Variants in STK39 observed in about 807,000 individuals in gnomAD.
STK39 encodes the protein STE20/SPS1-related proline-alanine-rich protein kinase.
A neutral mutation model predicts 77.8 loss-of-function variants in STK39; 20 were observed. The ratio of observed to expected loss-of-function variants is 0.26; its 90% confidence interval spans 0.18 to 0.37. The LOEUF is 0.37. STK39 is among the 10% of genes least tolerant of loss of function. The probability of loss-of-function intolerance (pLI) is 1.00; values close to 1 mark genes in which losing one functional copy is unlikely to be tolerated. For synonymous variants in STK39, 246 were observed against 234.1 expected (o/e 1.05, Z -0.47); for missense variants, 479 against 656.5 (o/e 0.73, Z 2.95).
At chr2:167,976,434 C>T (rs1266723553) in intron 16 of STK39, among the ~76,000 whole-genome samples, 1 of 152,168 alleles carries the variant, frequency 6.6e-6, no homozygotes. Context: ...TAAATGATAA[C>T]AGGCCTTCTC....
chr2:168,128,579 C>A (rs1687604010), intron 10 of STK39, among the ~76,000 whole-genome samples: 1 of 152,204 alleles, frequency 6.6e-6, no homozygotes, highest in Non-Finnish European at 1.5e-5. Flanking sequence ...CAGATACCTT[C>A]ACAGAATGGG....
chr2:167,995,711 A>G (rs565360199), intron 16 of STK39, among the ~76,000 whole-genome samples: 19 of 152,230 alleles, frequency 1.2e-4, no homozygotes, highest in Admixed American at 4.6e-4. Context: ...TATGTTCTAC[A>G]TCAGAGAGCA....
At chr2:168,038,859 C>T (rs1230885390) in intron 14 of STK39, among the ~76,000 whole-genome samples, 1 of 152,098 alleles carries the variant, frequency 6.6e-6, no homozygotes, top group African/African-American at 2.4e-5. Context: ...CACTACACAC[C>T]TATTTAAATG....
At chr2:168,102,756 C>T (rs1461138283) in intron 10 of STK39, among the ~76,000 whole-genome samples, 10 of 151,696 alleles carry the variant, frequency 6.6e-5, no homozygotes, top group African/African-American at 1.9e-4. Context: ...GGTGAAACCC[C>T]GTCTCTACTA....
intron 10 of STK39, among the ~76,000 whole-genome samples, chr2:168,113,575 C>T (rs1217227004): frequency 6.6e-6 from 1 of 152,140 alleles, no homozygotes; most frequent in Non-Finnish European, 1.5e-5. Context: ...TTTGTTAAAG[C>T]TATATAATCA....
At position 168,247,292 on chromosome 2, in the gene STK39, G is replaced by C. The variant is rs1690948453; in HGVS notation, c.144C>G (p.Ala48=). Residue 48 remains alanine (A), a synonymous_variant, in exon 1 of 18, where the codon GCC becomes GCG. Coordinates refer to ENST00000355999, the MANE Select transcript of STK39 (RefSeq NM_013233.3). ...GCCAGCCGACAGCCTGTGCCGCCGG[G>C]GCCGGGGCCGGGGCCGGGGCCGCGG... ...AAPAAPAPAP[A]PAAQAVGWPI... The C allele has an allele frequency of 3.9e-6, 4 of 1,020,032 alleles. No homozygotes were observed. The African/African-American group carries it at 6.9e-5, about 18-fold the overall frequency. The allele number at this position is 1,020,032 out of a possible 1,614,324, so 63.2% of individuals were successfully genotyped here. A position where few individuals can be genotyped will look rare whatever the true frequency, so the allele number is the denominator to read the frequency against.
At chr2:168,129,006 C>T (rs1687613605) in intron 10 of STK39, among the ~76,000 whole-genome samples, 1 of 152,100 alleles carries the variant, frequency 6.6e-6, no homozygotes, top group Non-Finnish European at 1.5e-5. Flanking sequence ...TACATACATA[C>T]ATGCCATTTT....
intron 16 of STK39, among the ~76,000 whole-genome samples, chr2:167,992,347 A>C (rs540360803): frequency 6.6e-6 from 1 of 152,198 alleles, no homozygotes; most frequent in Non-Finnish European, 1.5e-5. Context: ...CAACAAAAAA[A>C]CCATTTGCAG....
chr2:167,983,158 T>C (rs141439093), intron 16 of STK39, among the ~76,000 whole-genome samples: 90 of 152,252 alleles, frequency 5.9e-4, no homozygotes, highest in African/African-American at 2.1e-3. Context: ...TCATTATGGT[T>C]AGAAGAATGT....
rs544800932 is a variant in STK39 at position 168,073,320 on chromosome 2, C to T, written c.1242+1662G>A. ...TAGCAAGGCAGGATCCAATGGATAT[C>T]GTCCAATGAAGATTTCTTGTGGTGA... On this transcript the variant is annotated intron_variant, in intron 12 of 17. Transcript: ENST00000355999. Among the ~76,000 whole-genome samples, 7 of 152,286 alleles carry T rather than the reference C, an allele frequency of 4.6e-5. No homozygotes were observed. The South Asian group carries it at 1.2e-3, about 27-fold the overall frequency.
chr2:167,970,376 A>G (rs992908070), intron 16 of STK39, among the ~76,000 whole-genome samples: 3 of 152,186 alleles, frequency 2.0e-5, no homozygotes, highest in African/African-American at 7.2e-5. Context: ...ACATGAATAT[A>G]TGGAAAAATG....
At position 168,029,799 on chromosome 2, in the gene STK39, C is replaced by T. The variant is rs183711150; in HGVS notation, c.1377-12704G>A. On this transcript the variant is annotated intron_variant, in intron 14 of 17. Transcript: ENST00000355999. ...AACCATCTGTAGGAAGCAGAAGTAACATTCTGCCATGAACATGCAGGAGAC... is the reference window on the plus strand; with the variant it reads ...AACCATCTGTAGGAAGCAGAAGTAATATTCTGCCATGAACATGCAGGAGAC... Among the ~76,000 whole-genome samples, 7 of 152,284 alleles carry T rather than the reference C, an allele frequency of 4.6e-5. 1 individual carries two copies. The East Asian group carries it at 1.4e-3, about 29-fold the overall frequency.
At chr2:168,166,136 T>G (rs893129080) in intron 3 of STK39, among the ~76,000 whole-genome samples, 1 of 152,206 alleles carries the variant, frequency 6.6e-6, no homozygotes, top group Non-Finnish European at 1.5e-5. Flanking sequence ...ATTTACTATG[T>G]GTGTGACCTT....
intron 1 of STK39, among the ~76,000 whole-genome samples, chr2:168,206,344 A>T (rs1390959838): frequency 6.8e-6 from 1 of 146,140 alleles, no homozygotes; most frequent in Admixed American, 7.0e-5. Context: ...CTTGTTGCCC[A>T]GGCTGGAGTG....
intron 17 of STK39, 43 bp from the exon 18 acceptor site, chr2:167,955,613 C>A (rs1691743122): frequency 6.3e-7 from 1 of 1,589,000 alleles, no homozygotes; most frequent in Non-Finnish European, 8.6e-7. Context: ...TTTGCTGCTG[C>A]TGCTGGTTGT....
chr2:168,062,185 C>T (rs1413425264), intron 14 of STK39, among the ~76,000 whole-genome samples: 1 of 152,166 alleles, frequency 6.6e-6, no homozygotes, highest in African/African-American at 2.4e-5. Context: ...GTGGGCTAGA[C>T]TAAAACCTTG....
intron 5 of STK39, among the ~76,000 whole-genome samples, chr2:168,141,794 G>A (rs2105534138): frequency 6.6e-6 from 1 of 152,222 alleles, no homozygotes; most frequent in South Asian, 2.1e-4. Context: ...TGGCTGTCAG[G>A]GTGACAGCAA....
At chr2:168,213,179 A>G (rs1012656649) in intron 1 of STK39, among the ~76,000 whole-genome samples, 1 of 152,242 alleles carries the variant, frequency 6.6e-6, no homozygotes, top group Non-Finnish European at 1.5e-5. Context: ...TAGATGGATT[A>G]ATCATAAGAA....
At chr2:168,116,737 A>G (rs1364726164) in intron 10 of STK39, among the ~76,000 whole-genome samples, 1 of 152,038 alleles carries the variant, frequency 6.6e-6, no homozygotes, top group Non-Finnish European at 1.5e-5. Flanking sequence ...AGATGATAGA[A>G]CCCTTCCTTT....
Sources: gnomAD v4.1 joint callset for allele counts (sites outside exome capture counted in the v4.1 genomes callset) on GRCh38, gnomAD v4.1.1 for gene constraint, MANE v1.5 for transcripts, NCBI Gene and HGNC (gene_info 2026-07-23, HGNC 2026-07-21) for gene names.